Variants in MIPEP observed in about 807,000 individuals in gnomAD.
The protein encoded by MIPEP is mitochondrial intermediate peptidase.
A neutral mutation model predicts 90.3 loss-of-function variants in MIPEP; 79 were observed. That is an observed-to-expected ratio of 0.87 (90% CI 0.73 to 1.05). The LOEUF is 1.05. Ranked by LOEUF, MIPEP falls within the 50% of genes least tolerant of loss-of-function variation. MIPEP has a pLI of 0.00. For missense variants in MIPEP, 940 were observed against 905.6 expected, an observed-to-expected ratio of 1.04 and a Z score of -0.49; for synonymous variants, 334 against 315.8, an observed-to-expected ratio of 1.06 and a Z score of -0.61.
chr13:23,751,338 C>CTT (rs1952438253), intron 18 of MIPEP, among the ~76,000 whole-genome samples: 1 of 152,196 alleles, frequency 6.6e-6, no homozygotes, highest in South Asian at 2.1e-4. Context: ...TTTTAATCAG[C>CTT]TTAAGGTAAG....
intron 14 of MIPEP, among the ~76,000 whole-genome samples, chr13:23,834,335 T>C (rs978705175): frequency 6.6e-6 from 1 of 152,194 alleles, no homozygotes; most frequent in African/African-American, 2.4e-5. Flanking sequence ...TGTTTTTCCC[T>C]GTGTAACTTC....
At position 23,881,776 on chromosome 13, in the gene MIPEP, C is replaced by T. The variant is rs746530923; in HGVS notation, c.375G>A (p.Val125=). The change falls in exon 3 of 19, where the codon GTG becomes GTA. Residue 125 remains valine, a synonymous_variant. Coordinates refer to ENST00000382172, the MANE Select transcript of MIPEP (RefSeq NM_005932.4). The part of the protein sequence containing the change: ...LCRVADLADF[V]KIAHPEPAFR... ...ATGCTGGCTCAGGGTGAGCGATTTT[C>T]ACAAAATCAGCCTAATAAAGGGGAA... 4 of 1,613,364 alleles carry T rather than the reference C, an allele frequency of 2.5e-6. No individual in the cohort carries two copies. The South Asian group carries it at 4.4e-5, about 18-fold the overall frequency.
intron 16 of MIPEP, among the ~76,000 whole-genome samples, chr13:23,791,385 A>C (rs928160637): frequency 6.6e-6 from 1 of 152,060 alleles, no homozygotes; most frequent in Non-Finnish European, 1.5e-5. Context: ...ACTCTCCTTT[A>C]TACCTGCTCC....
At chr13:23,755,457 A>T (rs984999560) in intron 18 of MIPEP, among the ~76,000 whole-genome samples, 1 of 152,240 alleles carries the variant, frequency 6.6e-6, no homozygotes, top group East Asian at 1.9e-4. Context: ...GAGACATTTA[A>T]ATCACACTCA....
In MIPEP at chr13:23,870,041, C is replaced by A; in HGVS notation, c.758G>T (p.Gly253Val). Reference protein sequence around the residue: ...TSAGDHIIIDGLHAESPDDLV... With the variant: ...TSAGDHIIIDVLHAESPDDLV... ...GTCATCTGGTGATTCTGCGTGGAGA[C>A]CATCAATTATGATATGATCCCCAGC... The change falls in exon 6 of 19, where the codon GGT (glycine) becomes GTT (valine). Residue 253 changes from glycine (G) to valine (V), a missense_variant. By Grantham distance (109) the Gly-to-Val change is moderately radical. Transcript: ENST00000382172. The A allele has an allele frequency of 6.2e-7, 1 of 1,603,242 alleles. No homozygotes were observed. The highest frequency in any genetic ancestry group is 8.5e-7 in the Non-Finnish European group (1 of 1,174,526).
chr13:23,756,844 C>G, intron 17 of MIPEP: 2 of 541,206 alleles, frequency 3.7e-6, no homozygotes, highest in East Asian at 3.2e-5. Flanking sequence ...GATAACTATA[C>G]TTTTGGCTAT....
At chr13:23,888,980 T>C in intron 1 of MIPEP, 152 bp downstream of exon 1, 2 of 719,944 alleles carry the variant, frequency 2.8e-6, no homozygotes, top group Non-Finnish European at 4.0e-6. Flanking sequence ...CTTGCCCTCA[T>C]CGAGAGCGCA....
chr13:23,806,373 T>C (rs1953107043), intron 15 of MIPEP, among the ~76,000 whole-genome samples: 1 of 152,172 alleles, frequency 6.6e-6, no homozygotes, highest in Non-Finnish European at 1.5e-5. Flanking sequence ...ACTGGAATTT[T>C]GCCAAAATAT....
chr13:23,848,906 A>G (rs1869673163), intron 10 of MIPEP, among the ~76,000 whole-genome samples: 1 of 152,174 alleles, frequency 6.6e-6, no homozygotes, highest in African/African-American at 2.4e-5. Flanking sequence ...GGTGGAAGAG[A>G]TTCAAAAAGC....
At chr13:23,835,024 C>T (rs199765040) in intron 14 of MIPEP, among the ~76,000 whole-genome samples, 13 of 134,770 alleles carry the variant, frequency 9.6e-5, no homozygotes, top group Admixed American at 1.5e-4. Context: ...ATCCATTATT[C>T]TTTTTTTTTT....
intron 17 of MIPEP, among the ~76,000 whole-genome samples, 175 bp downstream of exon 17, chr13:23,759,921 A>G (rs954849170): frequency 6.6e-6 from 1 of 152,102 alleles, no homozygotes; most frequent in Non-Finnish European, 1.5e-5. Flanking sequence ...GGGAAGCAGG[A>G]GCAAGCTTGG....
At chr13:23,761,887 G>A (rs570203840) in intron 16 of MIPEP, among the ~76,000 whole-genome samples, 49 of 152,318 alleles carry the variant, frequency 3.2e-4, no homozygotes, top group African/African-American at 1.1e-3. Flanking sequence ...CACATCAGGA[G>A]GCTGAGGCAG....
chr13:23,745,145 C>T (rs1489869403), intron 18 of MIPEP, among the ~76,000 whole-genome samples: 1 of 152,088 alleles, frequency 6.6e-6, no homozygotes, highest in East Asian at 1.9e-4. Flanking sequence ...CTTGATAATG[C>T]TATTCAGATA....
Position 23,889,336 on chromosome 13 carries a change from G to C in MIPEP, c.-16C>G. ...CGCACAGCATTCTAGCACCAGAGCA[G>C]TCCCTTCCTCCAACGCAGATCCCTG... On this transcript the variant is annotated 5_prime_UTR_variant, in exon 1 of 19. Transcript: ENST00000382172. The C allele has an allele frequency of 7.6e-7, 1 of 1,313,376 alleles. No individual in the cohort carries two copies. Among genetic ancestry groups the C allele is most frequent in the Non-Finnish European group, 9.7e-7 (1 of 1,030,270 alleles). The allele number at this position is 1,313,376 out of a possible 1,614,324, so 81.4% of individuals were successfully genotyped here.
intron 4 of MIPEP, among the ~76,000 whole-genome samples, chr13:23,877,604 C>T (rs1225011552): frequency 6.6e-6 from 1 of 152,154 alleles, no homozygotes; most frequent in Non-Finnish European, 1.5e-5. Context: ...CTGAAGGAAC[C>T]ATTCTGAGAA....
intron 16 of MIPEP, among the ~76,000 whole-genome samples, chr13:23,777,116 T>A (rs565480490): frequency 1.1e-4 from 17 of 152,292 alleles, no homozygotes; most frequent in Admixed American, 3.3e-4. Context: ...ATGCTTAAGA[T>A]GGGTGATCTC....
intron 9 of MIPEP, among the ~76,000 whole-genome samples, chr13:23,859,168 T>C (rs1291267625): frequency 6.6e-6 from 1 of 152,182 alleles, no homozygotes; most frequent in Non-Finnish European, 1.5e-5. Flanking sequence ...AATGTCATTC[T>C]GAAGTGGTAT....
At chr13:23,755,384 G>A (rs1450383159) in intron 18 of MIPEP, among the ~76,000 whole-genome samples, 1 of 152,222 alleles carries the variant, frequency 6.6e-6, no homozygotes, top group Non-Finnish European at 1.5e-5. Flanking sequence ...AATGGCTGAA[G>A]GCAAGAATCT....
At chr13:23,740,413 C>G (rs1952314231) in intron 18 of MIPEP, among the ~76,000 whole-genome samples, 1 of 150,644 alleles carries the variant, frequency 6.6e-6, no homozygotes. Flanking sequence ...GTAACTTCTT[C>G]CTTTGAGTCT....
Sources: allele counts gnomAD v4.1 joint callset (sites outside exome capture counted in the v4.1 genomes callset), GRCh38; gene constraint gnomAD v4.1.1; transcripts MANE v1.5; gene names NCBI Gene and HGNC (gene_info 2026-07-23, HGNC 2026-07-21).